The following RBFOX1 variants were observed in gnomAD, a reference collection of about 807,000 sequenced individuals.
RBFOX1 encodes RNA binding protein fox-1 homolog 1.
In RBFOX1, 8 loss-of-function variants were observed where a neutral mutation model predicts 57.7. The observed-to-expected ratio is 0.14, with a 90% CI of 0.08 to 0.25. RBFOX1 has a LOEUF of 0.25. Among genes scored for constraint, RBFOX1 ranks in the 10% least tolerant of loss-of-function variants. The probability of loss-of-function intolerance (pLI) is 1.00; values close to 1 mark genes in which losing one functional copy is unlikely to be tolerated. For missense variants in RBFOX1, 611 were observed against 548.5 expected, an observed-to-expected ratio of 1.11 and a Z score of -1.14; for synonymous variants, 326 against 222.4, an observed-to-expected ratio of 1.47 and a Z score of -4.15.
chr16:6,480,343 C>G (rs73524638), intron 2 of RBFOX1, among the ~76,000 whole-genome samples: 14,621 of 152,058 alleles, frequency 0.096, 2,137 homozygotes, highest in African/African-American at 0.32. Context: ...ACTTCCTGGG[C>G]CACTTGGTCT....
chr16:5,908,147 C>A (rs1169802302), intron 4 of RBFOX1, among the ~76,000 whole-genome samples: 1 of 142,318 alleles, frequency 7.0e-6, no homozygotes, highest in African/African-American at 2.8e-5. Context: ...CATATATACA[C>A]ATATATACAC....
intron 3 of RBFOX1, among the ~76,000 whole-genome samples, chr16:7,001,913 A>C (rs1230740556): frequency 6.6e-6 from 1 of 152,156 alleles, no homozygotes; most frequent in Non-Finnish European, 1.5e-5. Flanking sequence ...GGGTCCCCAA[A>C]ATAGAAGATC....
At chr16:6,320,814 G>T (rs1436459403) in intron 2 of RBFOX1, among the ~76,000 whole-genome samples, 1 of 152,018 alleles carries the variant, frequency 6.6e-6, no homozygotes, top group Non-Finnish European at 1.5e-5. Flanking sequence ...TTATTTATGA[G>T]ACAGAATCTC....
At chr16:6,617,031 T>C (rs2098152527) in intron 2 of RBFOX1, among the ~76,000 whole-genome samples, 1 of 152,108 alleles carries the variant, frequency 6.6e-6, no homozygotes, top group African/African-American at 2.4e-5. Context: ...AGGAAAAGTT[T>C]GTTGATTACC....
intron 4 of RBFOX1, among the ~76,000 whole-genome samples, chr16:7,331,138 A>T (rs2096687549): frequency 6.6e-6 from 1 of 152,192 alleles, no homozygotes; most frequent in Non-Finnish European, 1.5e-5. Flanking sequence ...CTAGAAATGC[A>T]ATTATGCAGC....
intron 3 of RBFOX1, among the ~76,000 whole-genome samples, chr16:7,034,274 C>G (rs1426961532): frequency 6.6e-6 from 1 of 152,140 alleles, no homozygotes; most frequent in Non-Finnish European, 1.5e-5. Context: ...ATGATAATGA[C>G]AGTATCTACT....
chr16:7,349,893 TC>T (rs1407355833), intron 4 of RBFOX1, among the ~76,000 whole-genome samples: 1 of 152,150 alleles, frequency 6.6e-6, no homozygotes. Flanking sequence ...ATGCTTGTAA[TC>T]CCAACACTTT....
intron 3 of RBFOX1, among the ~76,000 whole-genome samples, chr16:6,965,950 G>C (rs2084046772): frequency 6.6e-6 from 1 of 152,132 alleles, no homozygotes; most frequent in African/African-American, 2.4e-5. Flanking sequence ...TCCAGTGCCA[G>C]GTTTTTAATG....
intron 1 of RBFOX1, among the ~76,000 whole-genome samples, chr16:6,192,229 T>C (rs2097146384): frequency 6.6e-6 from 1 of 152,118 alleles, no homozygotes. Context: ...GACCAGTCCT[T>C]GGGTGTTGGG....
At chr16:7,293,981 A>G (rs1456395350) in intron 4 of RBFOX1, among the ~76,000 whole-genome samples, 1 of 152,160 alleles carries the variant, frequency 6.6e-6, no homozygotes, top group Non-Finnish European at 1.5e-5. Context: ...ATGCTTAATG[A>G]CAACTCATCT....
At chr16:5,876,207 C>G (rs74410347) in intron 4 of RBFOX1, among the ~76,000 whole-genome samples, 2 of 152,000 alleles carry the variant, frequency 1.3e-5, no homozygotes, top group African/African-American at 4.8e-5. Flanking sequence ...GGGGGAAAAA[C>G]AGCTAACTTT....
At chr16:6,212,073 G>A (rs150908826) in intron 1 of RBFOX1, among the ~76,000 whole-genome samples, 1,550 of 152,102 alleles carry the variant, frequency 0.01, 34 homozygotes, top group African/African-American at 0.035. Context: ...GGCCAGGCTA[G>A]TCTTGAACTC....
chr16:6,454,195 G>T (rs1379584921), intron 2 of RBFOX1, among the ~76,000 whole-genome samples: 1 of 152,146 alleles, frequency 6.6e-6, no homozygotes, highest in Non-Finnish European at 1.5e-5. Context: ...ATGTACAGGG[G>T]GTTAAGGCTT....
intron 1 of RBFOX1, among the ~76,000 whole-genome samples, chr16:5,300,584 T>G (rs955026712): frequency 6.6e-6 from 1 of 152,192 alleles, no homozygotes; most frequent in African/African-American, 2.4e-5. Context: ...AATTATATTA[T>G]TTATTTTTTA....
chr16:6,125,404 C>T (rs1345393422), intron 1 of RBFOX1, among the ~76,000 whole-genome samples: 1 of 152,144 alleles, frequency 6.6e-6, no homozygotes, highest in East Asian at 1.9e-4. Context: ...TTTGCCAGGG[C>T]CAGGAGAGAG....
chr16:7,244,468 C>A (rs970890687), intron 4 of RBFOX1, among the ~76,000 whole-genome samples: 1 of 152,156 alleles, frequency 6.6e-6, no homozygotes, highest in African/African-American at 2.4e-5. Context: ...TGGCCATCCT[C>A]TTTGCAAAAT....
At chr16:5,346,764 G>C (rs554194420) in intron 1 of RBFOX1, among the ~76,000 whole-genome samples, 1 of 152,276 alleles carries the variant, frequency 6.6e-6, no homozygotes, top group South Asian at 2.1e-4. Flanking sequence ...CTCTGGAGCT[G>C]AGCTGTCTCA....
chr16:6,576,015 CAGG>C (rs1193278779), intron 2 of RBFOX1, among the ~76,000 whole-genome samples: 1 of 152,026 alleles, frequency 6.6e-6, no homozygotes, highest in African/African-American at 2.4e-5. Context: ...CAAAAACTGT[CAGG>C]AGCACCTCCC....
intron 6 of RBFOX1, among the ~76,000 whole-genome samples, chr16:7,582,845 G>C (rs2093881763): frequency 6.6e-6 from 1 of 152,100 alleles, no homozygotes; most frequent in Non-Finnish European, 1.5e-5. Context: ...GTTAAATATA[G>C]GCATGGGATT....
Sources: allele counts gnomAD v4.1 joint callset (sites outside exome capture counted in the v4.1 genomes callset), GRCh38; gene constraint gnomAD v4.1.1; transcripts MANE v1.5; gene names NCBI Gene and HGNC (gene_info 2026-07-23, HGNC 2026-07-21).